Variants in ITPR2 observed in about 807,000 individuals in gnomAD.
The protein encoded by ITPR2 is inositol 1,4,5-trisphosphate-gated calcium channel ITPR2.
Under a neutral mutation model 317.1 loss-of-function variants are expected in ITPR2, and 207 were observed. The observed-to-expected ratio is 0.65, with a 90% CI of 0.58 to 0.73. The LOEUF is 0.73. ITPR2 is among the 30% of genes least tolerant of loss of function. The pLI is 0.00. For synonymous variants in ITPR2, 1,156 were observed against 1,149.1 expected, an observed-to-expected ratio of 1.01 and a Z score of -0.12; for missense variants, 2,613 against 3,284.0, an observed-to-expected ratio of 0.80 and a Z score of 4.99.
intron 13 of ITPR2, among the ~76,000 whole-genome samples, chr12:26,676,782 T>TA (rs74336625): frequency 5.3e-5 from 8 of 151,818 alleles, no homozygotes; most frequent in South Asian, 4.2e-4. Flanking sequence ...ATGTTTTAAG[T>TA]AAAAAAAAGA....
intron 52 of ITPR2, among the ~76,000 whole-genome samples, chr12:26,401,567 T>A (rs1380466141): frequency 6.6e-6 from 1 of 152,200 alleles, no homozygotes; most frequent in Non-Finnish European, 1.5e-5. Context: ...GATATTAGAA[T>A]CAGAAATTCC....
At chr12:26,790,403 C>A (rs970320914) in intron 1 of ITPR2, among the ~76,000 whole-genome samples, 176 bp from the exon 2 acceptor site, 3 of 152,044 alleles carry the variant, frequency 2.0e-5, no homozygotes, top group Non-Finnish European at 4.4e-5. Flanking sequence ...TTAATTAAAG[C>A]CTGGTTTATG....
chr12:26,463,977 C>T lies in ITPR2; in HGVS notation c.6342+11319G>A, dbSNP rs574402707. ...TTCCCTATGATGAAAATGCTTTTCT[C>T]GGTTTATCTAAATCTTATCAATCCA... On this transcript the variant is annotated intron_variant, in intron 45 of 56. Coordinates refer to ENST00000381340, the MANE Select transcript of ITPR2 (RefSeq NM_002223.4). 3.7e-4 allele frequency among the ~76,000 whole-genome samples: 56 copies of T among 152,244 alleles called. No individual in the cohort carries two copies. The South Asian group carries it at 0.011, about 29-fold the overall frequency.
At chr12:26,340,498 G>A (rs905359646) in intron 55 of ITPR2, among the ~76,000 whole-genome samples, 170 bp from the exon 56 acceptor site, 1 of 152,196 alleles carries the variant, frequency 6.6e-6, no homozygotes, top group South Asian at 2.1e-4. Flanking sequence ...TGGTCTTCAC[G>A]GGCTGGGGGA....
At chr12:26,725,467 T>A (rs1046332383) in intron 3 of ITPR2, among the ~76,000 whole-genome samples, 183 bp downstream of exon 3, 7 of 152,244 alleles carry the variant, frequency 4.6e-5, no homozygotes, top group African/African-American at 1.7e-4. Flanking sequence ...GCTACCTACA[T>A]GCCAGGAAAT....
chr12:26,797,697 T>C (rs1474599755), intron 1 of ITPR2, among the ~76,000 whole-genome samples: 1 of 144,946 alleles, frequency 6.9e-6, no homozygotes, highest in African/African-American at 2.6e-5. Flanking sequence ...TTTTTTTTTT[T>C]TTTTTTTTTT....
intron 25 of ITPR2, among the ~76,000 whole-genome samples, 167 bp downstream of exon 25, chr12:26,622,073 A>G (rs1196633069): frequency 6.6e-6 from 1 of 152,232 alleles, no homozygotes; most frequent in African/African-American, 2.4e-5. Flanking sequence ...CCTTCTAAAT[A>G]GATCACGTCC....
intron 39 of ITPR2, among the ~76,000 whole-genome samples, chr12:26,488,369 C>T (rs909216319): frequency 6.6e-6 from 1 of 151,950 alleles, no homozygotes; most frequent in Non-Finnish European, 1.5e-5. Context: ...GGGAGTTTGC[C>T]CCAGGATATG....
intron 11 of ITPR2, among the ~76,000 whole-genome samples, chr12:26,683,198 T>C (rs914500629): frequency 6.6e-6 from 1 of 152,192 alleles, no homozygotes; most frequent in Non-Finnish European, 1.5e-5. Flanking sequence ...TAAAATTTAT[T>C]TGTAGCCCCC....
chr12:26,727,746 G>GCTTCATC (rs1470495203), intron 2 of ITPR2, among the ~76,000 whole-genome samples: 36 of 152,336 alleles, frequency 2.4e-4, no homozygotes, highest in East Asian at 3.9e-4. Flanking sequence ...TCTACTTGAA[G>GCTTCATC]CTTCACAAGG....
chr12:26,819,169 C>T (rs1950902450), intron 1 of ITPR2, among the ~76,000 whole-genome samples: 1 of 152,168 alleles, frequency 6.6e-6, no homozygotes, highest in Non-Finnish European at 1.5e-5. Flanking sequence ...CTATATTTCT[C>T]ACTTTATTTC....
chr12:26,653,808 C>T (rs1947312558), intron 21 of ITPR2, among the ~76,000 whole-genome samples, 168 bp downstream of exon 21: 1 of 152,172 alleles, frequency 6.6e-6, no homozygotes, highest in Admixed American at 6.5e-5. Context: ...AACAGAGATG[C>T]ATGTTTGTAA....
At chr12:26,567,791 C>CA (rs1271901824) in intron 34 of ITPR2, among the ~76,000 whole-genome samples, 1 of 150,320 alleles carries the variant, frequency 6.7e-6, no homozygotes, top group African/African-American at 2.4e-5. Context: ...GCAGAAAAAA[C>CA]AAAAAAGAAA....
In ITPR2 at chr12:26,621,187, C is replaced by G. The variant is rs750559292; in HGVS notation, c.3398G>C (p.Ser1133Thr). 2 of 1,613,846 alleles carry G rather than the reference C, an allele frequency of 1.2e-6. No individual in the cohort carries two copies. The highest frequency in any genetic ancestry group is 2.7e-5 in the African/African-American group (2 of 74,924). Residue 1133 changes from serine (S) to threonine (T), a missense_variant, in exon 26 of 57, where the codon AGC becomes ACC. Ser to Thr is a moderately conservative substitution (Grantham distance 58). Coordinates refer to ENST00000381340, the MANE Select transcript of ITPR2 (RefSeq NM_002223.4). ...VEKSELWVEKSSNYENGEIGE... is the reference protein window; with the variant it reads ...VEKSELWVEKTSNYENGEIGE... ...TATTTCTCCATTCTCATAGTTGCTG[C>G]TCTTCTCCACCCATAGCTCAGACTT... is the stretch of plus-strand genomic sequence containing the variant.
intron 21 of ITPR2, chr12:26,649,352 T>C (rs1049058252): frequency 1.3e-5 from 2 of 152,190 alleles, no homozygotes; most frequent in Non-Finnish European, 2.9e-5. Context: ...CACAGTGCAA[T>C]TACAAAAGTC....
intron 55 of ITPR2, among the ~76,000 whole-genome samples, chr12:26,366,867 G>A (rs1358977414): frequency 1.3e-5 from 2 of 152,102 alleles, no homozygotes; most frequent in Admixed American, 6.5e-5. Flanking sequence ...TTTCCACAGT[G>A]AAGAGAAGAG....
At chr12:26,454,817 G>A (rs1481499991) in intron 45 of ITPR2, among the ~76,000 whole-genome samples, 2 of 152,188 alleles carry the variant, frequency 1.3e-5, no homozygotes, top group African/African-American at 4.8e-5. Context: ...GCACGTTCAA[G>A]TCGTTTGACC....
chr12:26,427,886 C>A, intron 49 of ITPR2, 27 bp downstream of exon 49: 1 of 1,387,664 alleles, frequency 7.2e-7, no homozygotes, highest in Non-Finnish European at 9.5e-7. Context: ...AATTCTGTAA[C>A]AGTACAAAGC....
At chr12:26,357,244 A>C (rs1323543234) in intron 55 of ITPR2, among the ~76,000 whole-genome samples, 1 of 152,104 alleles carries the variant, frequency 6.6e-6, no homozygotes, top group Non-Finnish European at 1.5e-5. Flanking sequence ...CCACCTCTGG[A>C]AAGGGAAGGA....
Sources: allele counts gnomAD v4.1 joint callset (sites outside exome capture counted in the v4.1 genomes callset), GRCh38; gene constraint gnomAD v4.1.1; transcripts MANE v1.5; gene names NCBI Gene and HGNC (gene_info 2026-07-23, HGNC 2026-07-21).